The following FOXP1 variants were observed in gnomAD, a reference collection of about 807,000 sequenced individuals.
FOXP1 encodes the protein forkhead box protein P1.
A neutral mutation model predicts 98.2 loss-of-function variants in FOXP1; 15 were observed. The ratio of observed to expected loss-of-function variants is 0.15; its 90% confidence interval spans 0.10 to 0.24. The LOEUF is 0.24. FOXP1 is among the 10% of genes least tolerant of loss of function. FOXP1 has a pLI of 1.00. For missense variants in FOXP1, 633 were observed against 848.5 expected, an observed-to-expected ratio of 0.75 and a Z score of 3.15; for synonymous variants, 371 against 314.5, an observed-to-expected ratio of 1.18 and a Z score of -1.90.
chr3:70,986,694 T>C (rs1293504615), intron 14 of FOXP1, among the ~76,000 whole-genome samples: 1 of 152,090 alleles, frequency 6.6e-6, no homozygotes, highest in Admixed American at 6.6e-5. Context: ...GACCTGGTTC[T>C]TTTTTTTCCT....
intron 3 of FOXP1, among the ~76,000 whole-genome samples, chr3:71,399,072 ATATT>A (rs2081764272): frequency 6.6e-6 from 1 of 152,198 alleles, no homozygotes; most frequent in Admixed American, 6.5e-5. Context: ...GCTGATTATA[ATATT>A]TATTTTTCAA....
chr3:71,582,914 A>G, intron 1 of FOXP1: 2 of 643,424 alleles, frequency 3.1e-6, no homozygotes, highest in Non-Finnish European at 3.9e-6. Context: ...GCCAGGCACC[A>G]CAGTCAGTTT....
chr3:71,005,531 A>G (rs1467758101), intron 12 of FOXP1, among the ~76,000 whole-genome samples: 1 of 152,024 alleles, frequency 6.6e-6, no homozygotes, highest in Admixed American at 6.6e-5. Context: ...ATATCACCAT[A>G]AAAACGAGAA....
At chr3:71,258,136 A>G (rs1384714774) in intron 5 of FOXP1, among the ~76,000 whole-genome samples, 1 of 152,184 alleles carries the variant, frequency 6.6e-6, no homozygotes, top group Admixed American at 6.5e-5. Context: ...TGGCTTTCGA[A>G]TCTGAAAAGA....
At chr3:70,960,442 C>A (rs569628877) in intron 20 of FOXP1, among the ~76,000 whole-genome samples, 1 of 152,274 alleles carries the variant, frequency 6.6e-6, no homozygotes, top group East Asian at 1.9e-4. Context: ...GGGGTGATCA[C>A]ACAAAACCGC....
intron 2 of FOXP1, among the ~76,000 whole-genome samples, chr3:71,553,612 C>T (rs1578151147): frequency 6.6e-6 from 1 of 152,264 alleles, no homozygotes; most frequent in South Asian, 2.1e-4. Flanking sequence ...TGCTAACAGT[C>T]TCAAAAGAAA....
At chr3:71,026,926 A>C (rs72961986) in intron 11 of FOXP1, among the ~76,000 whole-genome samples, 5,653 of 152,280 alleles carry the variant, frequency 0.037, 343 homozygotes, top group African/African-American at 0.13. Flanking sequence ...GTGATGAGTG[A>C]AGGAATAAAT....
chr3:71,507,859 G>A (rs962073237), intron 2 of FOXP1, among the ~76,000 whole-genome samples: 1 of 152,226 alleles, frequency 6.6e-6, no homozygotes, highest in African/African-American at 2.4e-5. Context: ...TTACAGGCAT[G>A]AGCCACAATA....
At chr3:71,448,548 G>A (rs1445778039) in intron 3 of FOXP1, among the ~76,000 whole-genome samples, 1 of 152,146 alleles carries the variant, frequency 6.6e-6, no homozygotes, top group Non-Finnish European at 1.5e-5. Context: ...CTGTGAACTT[G>A]GGTAAATGAT....
intron 2 of FOXP1, among the ~76,000 whole-genome samples, chr3:71,526,967 C>CAAAA (rs34141810): frequency 1.6e-5 from 1 of 62,316 alleles, no homozygotes; most frequent in Non-Finnish European, 3.3e-5. Context: ...AACTCCAACT[C>CAAAA]AAAAAAAAAA....
Position 71,345,920 on chromosome 3 carries a change from G to A in FOXP1, c.-73+13230C>T, listed in dbSNP as rs138225655. Among the ~76,000 whole-genome samples the A allele has an allele frequency of 4.0e-3, 554 of 140,088 alleles. 18 individuals are homozygous for A. Among genetic ancestry groups the A allele is most frequent in the Admixed American group, 0.038 (497 of 13,182 alleles). The allele number at this position is 140,088 out of a possible 152,430, so 91.9% of individuals were successfully genotyped here. A position where few individuals can be genotyped will look rare whatever the true frequency, so the allele number is the denominator to read the frequency against. The stretch of plus-strand genomic sequence containing the variant: ...AAAAGAGGAGTGAGGTGGTTAAGTA[G>A]GCCCAATATGCAATGAGACAAAGTG... On this transcript the variant is annotated intron_variant, in intron 4 of 20. Transcript: ENST00000649528.
intron 1 of FOXP1, chr3:71,582,677 C>G (rs540757048): frequency 2.0e-6 from 2 of 985,308 alleles, no homozygotes; most frequent in African/African-American, 3.5e-5. Flanking sequence ...CTCCTCGCAG[C>G]GCATCCGGCT....
rs139681534 is a variant in FOXP1 at position 71,413,115 on chromosome 3, A to AACAC, written c.-167-53875_-167-53872dup. ...AACAGCCAACCGGCTATTCAGCTAA[A>AACAC]ACACACACACACACGCACCCCCAAA... On this transcript the variant is annotated intron_variant, in intron 3 of 20. Transcript: ENST00000649528. 2.0e-4 allele frequency among the ~76,000 whole-genome samples: 29 copies of AACAC among 143,930 alleles called. 1 individual carries two copies. Among genetic ancestry groups the AACAC allele is most frequent in the Non-Finnish European group, 2.7e-4 (18 of 66,292 alleles). The allele number at this position is 143,930 out of a possible 152,430, so 94.4% of individuals were successfully genotyped here.
rs112888650 is a variant in FOXP1, at chr3:71,406,390, A to G, written c.-167-47146T>C. On this transcript the variant is annotated intron_variant, in intron 3 of 20. Transcript: ENST00000649528. ...TTTTTCTTTTGTTTTTAATTGACAC[A>G]TAATAACTGTATGTGTATATATATA... Among the ~76,000 whole-genome samples, 280 of 74,444 alleles carry G rather than the reference A, an allele frequency of 3.8e-3. 7 individuals are homozygous for G. The highest frequency in any genetic ancestry group is 0.011 in the African/African-American group (271 of 25,546). The allele number at this position is 74,444 out of a possible 152,430, so 48.8% of individuals were successfully genotyped here.
chr3:71,232,637 G>A (rs142498853), intron 5 of FOXP1, among the ~76,000 whole-genome samples: 1 of 152,086 alleles, frequency 6.6e-6, no homozygotes, highest in Non-Finnish European at 1.5e-5. Context: ...GGTGGCTCAT[G>A]CCTGTAATCC....
intron 6 of FOXP1, among the ~76,000 whole-genome samples, chr3:71,174,916 T>C (rs2061852493): frequency 7.8e-6 from 1 of 128,578 alleles, no homozygotes; most frequent in Admixed American, 8.6e-5. Flanking sequence ...TACATAAATG[T>C]TTTTTTTTTT....
intron 6 of FOXP1, among the ~76,000 whole-genome samples, chr3:71,132,916 C>G (rs2059641401): frequency 6.6e-6 from 1 of 151,144 alleles, no homozygotes; most frequent in African/African-American, 2.4e-5. Context: ...GTGCTAAAGT[C>G]GATGATTTTC....
intron 3 of FOXP1, among the ~76,000 whole-genome samples, chr3:71,407,763 C>T (rs1381620931): frequency 2.0e-5 from 3 of 149,596 alleles, no homozygotes; most frequent in African/African-American, 7.4e-5. Context: ...AAAATAGGGA[C>T]CAAAAAAAAA....
chr3:71,271,672 G>GTTCC (rs1169189474), intron 5 of FOXP1, among the ~76,000 whole-genome samples: 10 of 152,176 alleles, frequency 6.6e-5, no homozygotes, highest in Non-Finnish European at 1.0e-4. Flanking sequence ...CTGGGGCTAT[G>GTTCC]TTCCACATGT....
Sources: allele counts gnomAD v4.1 joint callset (sites outside exome capture counted in the v4.1 genomes callset), GRCh38; gene constraint gnomAD v4.1.1; transcripts MANE v1.5; gene names NCBI Gene and HGNC (gene_info 2026-07-23, HGNC 2026-07-21).